FAM120B: variants seen among roughly 807,000 people sequenced by gnomAD.
FAM120B encodes the protein constitutive coactivator of peroxisome proliferator-activated receptor gamma.
A neutral mutation model predicts 96.3 loss-of-function variants in FAM120B; 83 were observed. That is an observed-to-expected ratio of 0.86 (90% CI 0.72 to 1.03). FAM120B has a LOEUF of 1.03. Among genes scored for constraint, FAM120B ranks in the 50% least tolerant of loss-of-function variants. The pLI, the probability that FAM120B is intolerant of heterozygous loss-of-function variation, is 0.00. For synonymous variants in FAM120B, 407 were observed against 402.7 expected (o/e 1.01, Z -0.13); for missense variants, 1,027 against 1,121.2 (o/e 0.92, Z 1.20).
intron 1 of FAM120B, among the ~76,000 whole-genome samples, chr6:170,312,916 A>G (rs896902570): frequency 3.3e-5 from 5 of 152,244 alleles, no homozygotes; most frequent in Non-Finnish European, 7.3e-5. Flanking sequence ...AAGCAGGCCA[A>G]GGTAGCCAGA....
chr6:170,324,808 T>G (rs1158094689), intron 3 of FAM120B, among the ~76,000 whole-genome samples: 6 of 152,208 alleles, frequency 3.9e-5, no homozygotes, highest in Non-Finnish European at 8.8e-5. Context: ...TAAAATGCTG[T>G]TTTTGCTGAT....
intron 4 of FAM120B, among the ~76,000 whole-genome samples, chr6:170,345,769 C>T (rs577478638): frequency 2.0e-5 from 3 of 152,158 alleles, no homozygotes; most frequent in Non-Finnish European, 4.4e-5. Context: ...GAGTCTGAAC[C>T]TGTAGGGAGT....
chr6:170,319,591 C>T (rs1785157683), intron 2 of FAM120B, among the ~76,000 whole-genome samples: 1 of 152,154 alleles, frequency 6.6e-6, no homozygotes, highest in Non-Finnish European at 1.5e-5. Flanking sequence ...TTACTTGAAC[C>T]TGGGAGGCGG....
Position 170,317,375 on chromosome 6 carries a change from T to A in FAM120B, c.-16T>A. 5.0e-6 allele frequency: 8 copies of A among 1,596,276 alleles called. No individual in the cohort carries two copies. Among genetic ancestry groups the A allele is most frequent in the Non-Finnish European group, 6.9e-6 (8 of 1,165,984 alleles). ...TAATTTATCTTTCTTTCCAGATCCTTTCCCGGAGTTCAGTTATGGGTGTGA... is the reference window on the plus strand; with the variant it reads ...TAATTTATCTTTCTTTCCAGATCCTATCCCGGAGTTCAGTTATGGGTGTGA... On this transcript the variant is annotated 5_prime_UTR_variant, in exon 2 of 11. Coordinates refer to ENST00000476287, the MANE Select transcript of FAM120B (RefSeq NM_032448.3).
intron 3 of FAM120B, among the ~76,000 whole-genome samples, chr6:170,326,095 C>T (rs567373101): frequency 6.6e-6 from 1 of 152,186 alleles, no homozygotes; most frequent in Non-Finnish European, 1.5e-5. Flanking sequence ...TACGGATTCA[C>T]AGGAAGTTGC....
At chr6:170,303,079 C>T (rs1162928290), upstream of FAM120B, among the ~76,000 whole-genome samples, 2 of 152,064 alleles carry the variant, frequency 1.3e-5, no homozygotes, top group Non-Finnish European at 2.9e-5. Flanking sequence ...AAAATTTTTC[C>T]TTATATCAAA....
intron 6 of FAM120B, among the ~76,000 whole-genome samples, chr6:170,383,672 TC>T (rs748491520): frequency 5.3e-5 from 8 of 152,228 alleles, no homozygotes; most frequent in Non-Finnish European, 1.2e-4. Context: ...GAGGATGCAG[TC>T]CTTATACACT....
rs368865614 is a variant in FAM120B at position 170,377,134 on chromosome 6, A to G, written c.2284-11153A>G. ...CCTAATCCCAGATGCCTGGGAGAAC[A>G]CAGGCTCACGCTGCTCGGTGCTGTG... On this transcript the variant is annotated intron_variant, in intron 6 of 10. Coordinates refer to ENST00000476287, the MANE Select transcript of FAM120B (RefSeq NM_032448.3). Among the ~76,000 whole-genome samples the G allele has an allele frequency of 2.1e-3, 208 of 98,468 alleles. 1 individual carries two copies. In the East Asian group the frequency reaches 0.072, roughly 34 times the overall value. The allele number at this position is 98,468 out of a possible 152,430, so 64.6% of individuals were successfully genotyped here.
chr6:170,297,233 G>A (rs1784035717), intron 1 of FAM120B, among the ~76,000 whole-genome samples: 1 of 152,318 alleles, frequency 6.6e-6, no homozygotes, highest in African/African-American at 2.4e-5. Flanking sequence ...TGTCCCCACG[G>A]GACCCCGCGT....
In FAM120B at chr6:170,406,808, C is replaced by T. The variant is rs1274590850; in HGVS notation, c.*2057C>T. The T allele has an allele frequency of 6.6e-6, 1 of 152,164 alleles. No homozygotes were observed. The highest frequency in any genetic ancestry group is 1.5e-5 in the Non-Finnish European group (1 of 68,030). The allele number at this position is 152,164 out of a possible 1,614,324, so 9.4% of individuals were successfully genotyped here. On this transcript the variant is annotated 3_prime_UTR_variant, in exon 11 of 11. Transcript: ENST00000476287. ...TGAAATAAATTCCTCATCCCTTAGACTAAGAGAGTGGGTGTCTGTGAAAAT... is the reference window on the plus strand; with the variant it reads ...TGAAATAAATTCCTCATCCCTTAGATTAAGAGAGTGGGTGTCTGTGAAAAT...
At chr6:170,397,138 T>C (rs1778218924) in intron 9 of FAM120B, among the ~76,000 whole-genome samples, 1 of 152,158 alleles carries the variant, frequency 6.6e-6, no homozygotes, top group East Asian at 1.9e-4. Flanking sequence ...CAGCTGGCCG[T>C]GCACATTAGG....
chr6:170,394,137 G>T (rs1425529411), intron 8 of FAM120B, among the ~76,000 whole-genome samples: 3 of 152,334 alleles, frequency 2.0e-5, no homozygotes, highest in East Asian at 3.9e-4. Context: ...AAGGGCAGCA[G>T]TCACAAAGGG....
chr6:170,300,571 C>T (rs992783291), intron 1 of FAM120B, among the ~76,000 whole-genome samples: 3 of 152,170 alleles, frequency 2.0e-5, no homozygotes, highest in African/African-American at 4.8e-5. Context: ...AGCATTAGCT[C>T]AAAAGTCCAA....
intron 5 of FAM120B, among the ~76,000 whole-genome samples, chr6:170,348,596 AC>A (rs1157306472): frequency 1.3e-5 from 2 of 152,122 alleles, no homozygotes; most frequent in Admixed American, 1.3e-4. Flanking sequence ...CCTTGACTAA[AC>A]TTTCTCAAAC....
Position 170,406,879 on chromosome 6 carries a change from A to G in FAM120B, c.*2128A>G, listed in dbSNP as rs1054030707. 2.0e-5 allele frequency: 3 copies of G among 152,152 alleles called. No homozygotes were observed. The highest frequency in any genetic ancestry group is 4.4e-5 in the Non-Finnish European group (3 of 68,038). 9.4% of individuals were successfully genotyped at this position (152,152 alleles called of 1,614,324 possible). On this transcript the variant is annotated 3_prime_UTR_variant, in exon 11 of 11. Transcript: ENST00000476287. ...CTAAATTCTAGTTTGTCAGTAAAAT[A>G]TTTGTGTTTGGTTAACAAGCTCTTA... is the stretch of plus-strand genomic sequence containing the variant.
upstream of FAM120B, among the ~76,000 whole-genome samples, chr6:170,295,061 T>G (rs1452197661): frequency 3.9e-5 from 6 of 152,198 alleles, no homozygotes; most frequent in Admixed American, 3.9e-4. This position sits in a 1 kb window ranked among gnomAD's most constrained non-coding sequence, Gnocchi z 7.8. Context: ...CTGCCCATTC[T>G]CCTTCCGTCA....
Position 170,318,345 on chromosome 6 carries a change from A to G in FAM120B, c.955A>G (p.Lys319Glu), listed in dbSNP as rs368053635. Reference sequence around the variant, plus strand: ...ATCTCCATGGTTTTTCCAAAAACCCAAAGGTGTAATAACTTTGGACAAACA... The same window carrying G: ...ATCTCCATGGTTTTTCCAAAAACCCGAAGGTGTAATAACTTTGGACAAACA... ...QKSPWFFQKP[K>E]GVITLDKQVI... The change falls in exon 2 of 11, where the codon AAA (lysine) becomes GAA (glutamate). Residue 319 changes from lysine to glutamate, a missense_variant. Lys to Glu is a moderately conservative substitution (Grantham distance 56, BLOSUM62 1). Transcript: ENST00000476287. 6.2e-7 allele frequency: 1 copy of G among 1,614,108 alleles called. No homozygotes were observed. Among genetic ancestry groups the G allele is most frequent in the African/African-American group, 1.3e-5 (1 of 74,952 alleles).
intron 6 of FAM120B, among the ~76,000 whole-genome samples, chr6:170,369,445 T>C (rs1789033206): frequency 6.6e-6 from 1 of 152,210 alleles, no homozygotes; most frequent in East Asian, 1.9e-4. Context: ...CTACAGATCT[T>C]GATACGTGTT....
At chr6:170,317,098 T>A (rs1784947326) in intron 1 of FAM120B, among the ~76,000 whole-genome samples, 1 of 152,258 alleles carries the variant, frequency 6.6e-6, no homozygotes, top group South Asian at 2.1e-4. Context: ...AAGAAATACC[T>A]TGAATGATAA....
Sources: allele counts gnomAD v4.1 joint callset (sites outside exome capture counted in the v4.1 genomes callset), GRCh38; gene constraint gnomAD v4.1.1; non-coding constraint Gnocchi (gnomAD v3.1); transcripts MANE v1.5; gene names NCBI Gene and HGNC (gene_info 2026-07-23, HGNC 2026-07-21).